Variants in NRP1 observed in about 807,000 individuals in gnomAD.
The protein encoded by NRP1 is neuropilin 1.
A neutral mutation model predicts 106.7 loss-of-function variants in NRP1; 35 were observed. The observed-to-expected ratio is 0.33, with a 90% CI of 0.25 to 0.43. The LOEUF (loss-of-function observed/expected upper bound fraction) is 0.43, where lower values mean the gene tolerates loss of function less well. Among genes scored for constraint, NRP1 ranks in the 20% least tolerant of loss-of-function variants. NRP1 has a pLI of 1.00. For missense variants in NRP1, 1,024 were observed against 1,170.4 expected, an observed-to-expected ratio of 0.87 and a Z score of 1.83; for synonymous variants, 437 against 417.9, an observed-to-expected ratio of 1.05 and a Z score of -0.56.
chr10:33,297,054 A>AT (rs1845440582), intron 2 of NRP1, among the ~76,000 whole-genome samples: 1 of 152,222 alleles, frequency 6.6e-6, no homozygotes, highest in Non-Finnish European at 1.5e-5. Flanking sequence ...AGCTCTTTAA[A>AT]TATCCTAAGA....
rs572687359 is a variant in NRP1, at chr10:33,277,601, T to G, written c.249-6745A>C. ...AATCCCTAGACCTTTCTATAAGAAA[T>G]AGAGAGGCTGGGCCACAACCTGGCT... On this transcript the variant is annotated intron_variant, in intron 2 of 16. Transcript: ENST00000374867. Among the ~76,000 whole-genome samples the G allele has an allele frequency of 2.0e-4, 31 of 152,328 alleles. No individual in the cohort carries two copies. In the South Asian group the frequency reaches 5.0e-3, roughly 24 times the overall value.
Position 33,213,656 on chromosome 10 carries a change from TG to T in NRP1, c.1343del (p.Thr448AsnfsTer18). On this transcript the variant is annotated frameshift_variant, in exon 9 of 17. Coordinates refer to ENST00000374867, the MANE Select transcript of NRP1 (RefSeq NM_003873.7). LOFTEE classifies it high-confidence loss of function. Reference protein sequence around the residue: ...VSGLISDSQITSSNQGDRNWM... With the variant: ...VSGLISDSQIXSSNQGDRNWM... ...AGTTTCTGTCCCCTTGGTTGGATGA[TG>T]TGATCTGGGAGTCAGAAATAAGTCC... 1 of 1,613,980 alleles carries T rather than the reference TG, an allele frequency of 6.2e-7. No individual in the cohort carries two copies. Among genetic ancestry groups the T allele is most frequent in the Non-Finnish European group, 8.5e-7 (1 of 1,179,932 alleles).
chr10:33,221,707 T>G lies in NRP1; in HGVS notation c.1282+12A>C. 1 of 1,610,216 alleles carries G rather than the reference T, an allele frequency of 6.2e-7. No homozygotes were observed. Among genetic ancestry groups the G allele is most frequent in the Non-Finnish European group, 8.5e-7 (1 of 1,176,590 alleles). ...ACTTGGAAGATTCAGTCTTCAATCT[T>G]CCACAGCTTACCTGTTATCTTGCAA... is the stretch of plus-strand genomic sequence containing the variant. On this transcript the variant is annotated intron_variant, in intron 8 of 16. Transcript: ENST00000374867.
intron 6 of NRP1, among the ~76,000 whole-genome samples, chr10:33,241,367 A>G (rs1841002692): frequency 6.6e-6 from 1 of 152,136 alleles, no homozygotes; most frequent in Non-Finnish European, 1.5e-5. Flanking sequence ...ATCGATACTA[A>G]TCTCATGCAT....
chr10:33,270,064 A>G (rs950939000), intron 3 of NRP1, among the ~76,000 whole-genome samples: 1 of 152,176 alleles, frequency 6.6e-6, no homozygotes, highest in Non-Finnish European at 1.5e-5. Flanking sequence ...TCTTCCATGA[A>G]GCTGGTCCCT....
chr10:33,230,689 C>T (rs749873149), intron 6 of NRP1, among the ~76,000 whole-genome samples: 56 of 152,082 alleles, frequency 3.7e-4, no homozygotes, highest in Non-Finnish European at 6.8e-4. Context: ...GAAGCCCAAA[C>T]CCTCTTTCTT....
At chr10:33,287,524 C>A (rs934760984) in intron 2 of NRP1, among the ~76,000 whole-genome samples, 2 of 152,146 alleles carry the variant, frequency 1.3e-5, no homozygotes, top group Non-Finnish European at 2.9e-5. Context: ...TTATGCTTGT[C>A]ATTATTTTAG....
At chr10:33,260,083 G>C (rs1760111767) in intron 4 of NRP1, among the ~76,000 whole-genome samples, 1 of 152,108 alleles carries the variant, frequency 6.6e-6, no homozygotes, top group South Asian at 2.1e-4. Context: ...AGATGGTCTT[G>C]AACTCCTGGC....
intron 12 of NRP1, among the ~76,000 whole-genome samples, chr10:33,192,699 C>T (rs55913561): frequency 0.097 from 14,831 of 152,170 alleles, 942 homozygotes; most frequent in Admixed American, 0.19. Context: ...TCCAGGAAGG[C>T]TATTTTCTAA....
At chr10:33,207,444 A>G in intron 10 of NRP1, 128 bp downstream of exon 10, 2 of 925,458 alleles carry the variant, frequency 2.2e-6, no homozygotes, top group South Asian at 3.3e-5. Flanking sequence ...ACTGATGGGC[A>G]GGCACCGAGA....
At chr10:33,236,611 G>GT (rs1840576748) in intron 6 of NRP1, among the ~76,000 whole-genome samples, 1 of 152,204 alleles carries the variant, frequency 6.6e-6, no homozygotes, top group South Asian at 2.1e-4. Context: ...TAGATACCCT[G>GT]TAAGATTAAA....
intron 6 of NRP1, among the ~76,000 whole-genome samples, chr10:33,249,234 T>C (rs1344080184): frequency 6.6e-6 from 1 of 152,088 alleles, no homozygotes; most frequent in African/African-American, 2.4e-5. Context: ...TAATAAAACA[T>C]TGAAATAATT....
chr10:33,180,472 T>C (rs763913728), intron 16 of NRP1, 107 bp from the exon 17 acceptor site: 296 of 1,140,178 alleles, frequency 2.6e-4, no homozygotes, highest in Non-Finnish European at 3.5e-4. Context: ...ACACCCCAGT[T>C]TTGCCTGTCA....
chr10:33,179,673 A>T lies in NRP1; in HGVS notation c.*403T>A. ...TAGTATATTCTGGGCACTGGGTTTC[A>T]GGTAGCATGTCCATCCAAAGGGCCA... is the stretch of plus-strand genomic sequence containing the variant. On this transcript the variant is annotated 3_prime_UTR_variant, in exon 17 of 17. Coordinates refer to ENST00000374867, the MANE Select transcript of NRP1 (RefSeq NM_003873.7). 1 of 186,504 alleles carries T rather than the reference A, an allele frequency of 5.4e-6. No homozygotes were observed. Among genetic ancestry groups the T allele is most frequent in the Non-Finnish European group, 1.1e-5 (1 of 89,022 alleles). 11.6% of individuals were successfully genotyped at this position (186,504 alleles called of 1,614,324 possible).
At chr10:33,314,500 T>A (rs1014736864) in intron 2 of NRP1, among the ~76,000 whole-genome samples, 1 of 152,234 alleles carries the variant, frequency 6.6e-6, no homozygotes, top group Non-Finnish European at 1.5e-5. Context: ...TGCGGAAAAC[T>A]AAGTGTAAGA....
intron 15 of NRP1, 84 bp from the exon 16 acceptor site, chr10:33,182,832 T>TGC (rs948795218): frequency 3.4e-5 from 26 of 758,754 alleles, no homozygotes; most frequent in East Asian, 1.5e-4. Context: ...TTTAGGTACA[T>TGC]GCACACACAC....
At chr10:33,223,024 T>G (rs1432900489) in intron 7 of NRP1, among the ~76,000 whole-genome samples, 1 of 152,220 alleles carries the variant, frequency 6.6e-6, no homozygotes, top group African/African-American at 2.4e-5. Context: ...TAATTCTGCC[T>G]TGGGTTGGGA....
chr10:33,263,767 C>A lies in NRP1; in HGVS notation c.537G>T (p.Val179=). 4 of 1,613,242 alleles carry A rather than the reference C, an allele frequency of 2.5e-6. No individual in the cohort carries two copies. Among genetic ancestry groups the A allele is most frequent in the Non-Finnish European group, 3.4e-6 (4 of 1,179,466 alleles). ...NSLECTYIVF[V]PKMSEIILEF... The stretch of plus-strand genomic sequence containing the variant: ...CCAGGATAATCTCTGACATCTTTGG[C>A]ACAAAGACAATATAAGTGCATTCAA... The change falls in exon 4 of 17, where the codon GTG becomes GTT. Residue 179 remains valine (V), a synonymous_variant. Coordinates refer to ENST00000374867, the MANE Select transcript of NRP1 (RefSeq NM_003873.7).
intron 6 of NRP1, among the ~76,000 whole-genome samples, chr10:33,246,278 T>C (rs1051435418): frequency 6.6e-6 from 1 of 151,844 alleles, no homozygotes; most frequent in Non-Finnish European, 1.5e-5. Context: ...TCTACCTACA[T>C]ATTCCCTTCA....
Sources: allele counts gnomAD v4.1 joint callset (sites outside exome capture counted in the v4.1 genomes callset), GRCh38; gene constraint gnomAD v4.1.1; transcripts MANE v1.5; gene names NCBI Gene and HGNC (gene_info 2026-07-23, HGNC 2026-07-21).